Variants in PCNT observed in about 807,000 individuals in gnomAD.
PCNT encodes kendrin.
Under a neutral mutation model 380.4 loss-of-function variants are expected in PCNT, and 319 were observed. The observed-to-expected ratio is 0.84, with a 90% CI of 0.77 to 0.92. The LOEUF (loss-of-function observed/expected upper bound fraction) is 0.92, where lower values mean the gene tolerates loss of function less well. PCNT is among the 40% of genes least tolerant of loss of function. The pLI is 0.00. For missense variants in PCNT, 4,400 were observed against 4,255.3 expected (o/e 1.03, Z -0.95); for synonymous variants, 1,845 against 1,735.2 (o/e 1.06, Z -1.57).
At chr21:46,413,020 C>A (rs570865200) in intron 29 of PCNT, 28 bp downstream of exon 29, 1 of 1,600,854 alleles carries the variant, frequency 6.2e-7, no homozygotes, top group African/African-American at 1.3e-5. Context: ...GGCGCGAGGT[C>A]CCCCCGGGAG....
At position 46,349,773 on chromosome 21, in the gene PCNT, G is replaced by A; in HGVS notation, c.1297G>A (p.Asp433Asn). Reference protein sequence around the residue: ...LQSEHGRCLEDLEFKFKESEK... With the variant: ...LQSEHGRCLENLEFKFKESEK... Reference sequence around the variant, plus strand: ...GTCCGAGCACGGCCGGTGTTTAGAAGACTTGGAGTTCAAGTTCAAAGAGAG... The same window carrying A: ...GTCCGAGCACGGCCGGTGTTTAGAAAACTTGGAGTTCAAGTTCAAAGAGAG... Residue 433 changes from aspartate (D) to asparagine (N), a missense_variant, in exon 8 of 47, where the codon GAC becomes AAC. By Grantham distance (23) the Asp-to-Asn change is conservative (BLOSUM62 1). Transcript: ENST00000359568. 1 of 1,614,170 alleles carries A rather than the reference G, an allele frequency of 6.2e-7. No homozygotes were observed.
intron 43 of PCNT, 113 bp from the exon 44 acceptor site, chr21:46,442,384 C>T: frequency 2.7e-6 from 2 of 729,364 alleles, no homozygotes; most frequent in Non-Finnish European, 4.9e-6. Flanking sequence ...GTCCTGGTCC[C>T]CATGGGCAGC....
At chr21:46,406,076 T>G (rs1254390555) in intron 27 of PCNT, among the ~76,000 whole-genome samples, 1 of 152,236 alleles carries the variant, frequency 6.6e-6, no homozygotes, top group Non-Finnish European at 1.5e-5. Flanking sequence ...ACATTTGCTG[T>G]ATTCTACCCT....
chr21:46,364,057 C>T, intron 14 of PCNT, 123 bp downstream of exon 14: 1 of 857,198 alleles, frequency 1.2e-6, no homozygotes, highest in South Asian at 1.5e-5. Context: ...CTGGAGGGAG[C>T]TGGAACAAGG....
rs746584417 is a variant in PCNT, at chr21:46,416,329, T to TG, written c.6412dup (p.Val2138GlyfsTer3). 2 of 1,613,214 alleles carry TG rather than the reference T, an allele frequency of 1.2e-6. No homozygotes were observed. The highest frequency in any genetic ancestry group is 3.3e-5 in the Admixed American group (2 of 59,952). On this transcript the variant is annotated frameshift_variant, in exon 30 of 47. Coordinates refer to ENST00000359568, the MANE Select transcript of PCNT (RefSeq NM_006031.6). LOFTEE classifies it high-confidence loss of function. ...GTGATGCCAATACAGCCACGGGGGG[T>TG]GTAACTGATGTTATCAAAAATCAGG...
At chr21:46,383,534 C>T (rs374474323) in intron 16 of PCNT, among the ~76,000 whole-genome samples, 4,322 of 140,868 alleles carry the variant, frequency 0.031, 1 homozygote, top group Middle Eastern at 0.077. Context: ...GTGGCGGAAG[C>T]GCATTCACAG....
rs987141183 is a variant in PCNT, at chr21:46,416,898, G to A, written c.6921+59G>A. 5.1e-5 allele frequency: 79 copies of A among 1,534,008 alleles called. No homozygotes were observed. In the South Asian group the frequency reaches 8.5e-4, roughly 16 times the overall value. ...CCCGTGGGAATGTGGTCTGCCCGGC[G>A]CCACGGCAGCTGCCATTGTTTGTTC... On this transcript the variant is annotated intron_variant, in intron 30 of 46. Coordinates refer to ENST00000359568, the MANE Select transcript of PCNT (RefSeq NM_006031.6).
chr21:46,390,110 T>C (rs2085980851), intron 19 of PCNT, among the ~76,000 whole-genome samples: 1 of 152,240 alleles, frequency 6.6e-6, no homozygotes, highest in Non-Finnish European at 1.5e-5. Context: ...CTCATGGAGA[T>C]GGCCCTGGAC....
chr21:46,396,917 A>G (rs913995303), intron 21 of PCNT, among the ~76,000 whole-genome samples: 4 of 151,960 alleles, frequency 2.6e-5, no homozygotes, highest in Non-Finnish European at 5.9e-5. Flanking sequence ...TTCGCTTTTG[A>G]TTTACCGATG....
intron 28 of PCNT, 136 bp from the exon 29 acceptor site, chr21:46,412,701 G>A (rs13052416): frequency 1.2e-5 from 11 of 925,884 alleles, no homozygotes; most frequent in Admixed American, 5.1e-5. Context: ...CAAGGTGCTC[G>A]GCTGTGGATG....
intron 32 of PCNT, among the ~76,000 whole-genome samples, chr21:46,424,382 C>A (rs1191666097): frequency 2.6e-5 from 4 of 152,178 alleles, no homozygotes; most frequent in African/African-American, 9.7e-5. Context: ...GATGGCAGAA[C>A]CTTCTCAGCC....
Position 46,412,933 on chromosome 21 carries a change from C to T in PCNT, c.6091C>T (p.Gln2031Ter). 1.2e-6 allele frequency: 2 copies of T among 1,612,152 alleles called. No individual in the cohort carries two copies. Among genetic ancestry groups the T allele is most frequent in the Non-Finnish European group, 8.5e-7 (1 of 1,180,004 alleles). ...SVLTVCQRQLQSELLLVKNEM... is the reference protein window; with the variant it reads ...SVLTVCQRQL The stretch of plus-strand genomic sequence containing the variant: ...GCTCACCGTCTGCCAGAGGCAGCTG[C>T]AGTCGGAGCTGCTCTTGGTGAAAAA... The change falls in exon 29 of 47, where the codon CAG (glutamine) becomes TAG (stop). Residue 2031 changes from glutamine to a stop codon, truncating the protein, a stop_gained. Coordinates refer to ENST00000359568, the MANE Select transcript of PCNT (RefSeq NM_006031.6). LOFTEE classifies it high-confidence loss of function.
At chr21:46,358,390 G>T (rs2084556800) in intron 13 of PCNT, among the ~76,000 whole-genome samples, 1 of 152,240 alleles carries the variant, frequency 6.6e-6, no homozygotes, top group Admixed American at 6.5e-5. Context: ...TTCATAGGAA[G>T]CTATGATGAC....
chr21:46,411,154 A>C (rs200884868), intron 27 of PCNT, 35 bp from the exon 28 acceptor site: 138 of 1,607,850 alleles, frequency 8.6e-5, no homozygotes, highest in Non-Finnish European at 1.1e-4. Context: ...AAGTGGATAC[A>C]TTTAATTTGC....
chr21:46,356,190 C>A (rs1331874909), intron 12 of PCNT, among the ~76,000 whole-genome samples: 2 of 152,188 alleles, frequency 1.3e-5, no homozygotes, highest in African/African-American at 4.8e-5. Flanking sequence ...CTGGCGTGGA[C>A]TGTGCTGATG....
rs112853051 is a variant in PCNT at position 46,382,668 on chromosome 21, G to A, written c.3312+828G>A. 3.6e-3 allele frequency among the ~76,000 whole-genome samples: 492 copies of A among 135,246 alleles called. 29 individuals are homozygous for A. The highest frequency in any genetic ancestry group is 0.012 in the African/African-American group (442 of 36,626). 88.7% of individuals were successfully genotyped at this position (135,246 alleles called of 152,430 possible). ...CGTTCAGTGGCGGAAGCGCATTCAC[G>A]GTGTGCGTTCAGTGGCGGAAGCGCA... On this transcript the variant is annotated intron_variant, in intron 16 of 46. Coordinates refer to ENST00000359568, the MANE Select transcript of PCNT (RefSeq NM_006031.6).
At chr21:46,444,160 G>A (rs184966883) in intron 45 of PCNT, among the ~76,000 whole-genome samples, 10 of 152,340 alleles carry the variant, frequency 6.6e-5, no homozygotes, top group Non-Finnish European at 8.8e-5. Flanking sequence ...CGAGAGCCCG[G>A]TGCTGCCATC....
In PCNT at chr21:46,354,021, A is replaced by G; in HGVS notation, c.1714A>G (p.Lys572Glu). ...SCVGLEEKPE[K>E]GRKDHVDELE... ...TGTGGGTTTAGAAGAGAAACCTGAG[A>G]AAGGAAGAAAAGATCACGTTGATGA... is the stretch of plus-strand genomic sequence containing the variant. The change falls in exon 11 of 47, where the codon AAA (lysine) becomes GAA (glutamate). Residue 572 changes from lysine to glutamate, a missense_variant. Physicochemically the swap from Lys to Glu is moderately conservative, Grantham distance 56 (BLOSUM62 1). Transcript: ENST00000359568. The G allele has an allele frequency of 6.2e-7, 1 of 1,614,122 alleles. No homozygotes were observed. Among genetic ancestry groups the G allele is most frequent in the Non-Finnish European group, 8.5e-7 (1 of 1,179,990 alleles).
rs896729459 is a variant in PCNT at position 46,416,230 on chromosome 21, C to T, written c.6312C>T (p.His2104=). 2 of 1,614,186 alleles carry T rather than the reference C, an allele frequency of 1.2e-6. No individual in the cohort carries two copies. The highest frequency in any genetic ancestry group is 1.3e-5 in the African/African-American group (1 of 75,038). The change falls in exon 30 of 47, where the codon CAC becomes CAT. Residue 2104 remains histidine (H), a synonymous_variant. Coordinates refer to ENST00000359568, the MANE Select transcript of PCNT (RefSeq NM_006031.6). ...CTCTGTGGCCCATGGCCTCAGCACA[C>T]CTGTTGGAGAGCAGCTGGAGTGATG... ...TKSLWPMASA[H]LLESSWSDDS... is the part of the protein sequence containing the mutation.
Sources: gnomAD v4.1 joint callset for allele counts (sites outside exome capture counted in the v4.1 genomes callset) on GRCh38, gnomAD v4.1.1 for gene constraint, MANE v1.5 for transcripts, NCBI Gene and HGNC (gene_info 2026-07-23, HGNC 2026-07-21) for gene names.